HERC4: variants seen among roughly 807,000 people sequenced by gnomAD.
HERC4 encodes probable E3 ubiquitin-protein ligase HERC4.
Under a neutral mutation model 124.3 loss-of-function variants are expected in HERC4, and 28 were observed. The ratio of observed to expected loss-of-function variants is 0.23; its 90% confidence interval spans 0.17 to 0.31. The LOEUF is 0.31. Among genes scored for constraint, HERC4 ranks in the 10% least tolerant of loss-of-function variants. HERC4 has a pLI of 1.00. For synonymous variants in HERC4, 407 were observed against 421.5 expected (o/e 0.97, Z 0.42); for missense variants, 713 against 1,229.3 (o/e 0.58, Z 6.28).
intron 3 of HERC4, among the ~76,000 whole-genome samples, chr10:68,057,228 T>A (rs1310483427): frequency 6.6e-6 from 1 of 152,114 alleles, no homozygotes; most frequent in Non-Finnish European, 1.5e-5. Context: ...ATTATTCAGA[T>A]TGGTGTGAAA....
chr10:67,974,719 T>G (rs996126642), intron 15 of HERC4, among the ~76,000 whole-genome samples: 2 of 152,210 alleles, frequency 1.3e-5, no homozygotes, highest in African/African-American at 4.8e-5. Context: ...TATATAATTT[T>G]CATGTTTTCT....
intron 4 of HERC4, chr10:68,039,833 C>A (rs2039670718): frequency 2.0e-6 from 2 of 1,014,316 alleles, no homozygotes; most frequent in Non-Finnish European, 2.4e-6. Context: ...ACCTGTTCAG[C>A]ATATTAAGTA....
At chr10:67,981,654 C>A (rs760137616) in intron 15 of HERC4, among the ~76,000 whole-genome samples, 4 of 152,168 alleles carry the variant, frequency 2.6e-5, no homozygotes, top group Non-Finnish European at 4.4e-5. Context: ...AAGTCTTAAA[C>A]CATTCAAAAA....
At chr10:67,983,993 T>C (rs2036105248) in intron 15 of HERC4, among the ~76,000 whole-genome samples, 1 of 151,532 alleles carries the variant, frequency 6.6e-6, no homozygotes. Flanking sequence ...GAAAATGTGG[T>C]ATTTATACAC....
chr10:67,975,304 T>C (rs1242908690), intron 15 of HERC4, among the ~76,000 whole-genome samples: 1 of 152,214 alleles, frequency 6.6e-6, no homozygotes, highest in Non-Finnish European at 1.5e-5. Flanking sequence ...ATGTATACTA[T>C]TATTATGATC....
At chr10:68,050,238 T>C (rs201030305) in intron 3 of HERC4, among the ~76,000 whole-genome samples, 3 of 152,150 alleles carry the variant, frequency 2.0e-5, no homozygotes, top group African/African-American at 4.8e-5. Flanking sequence ...AGAAGGGATA[T>C]AGGCAGAGGG....
At chr10:68,036,317 CAAAAA>C (rs755357703) in intron 5 of HERC4, among the ~76,000 whole-genome samples, 1 of 66,710 alleles carries the variant, frequency 1.5e-5, no homozygotes. Context: ...GACTCCATCT[CAAAAA>C]AAAAAAAAAA....
At chr10:68,013,763 C>A (rs2038105256) in intron 9 of HERC4, among the ~76,000 whole-genome samples, 1 of 152,122 alleles carries the variant, frequency 6.6e-6, no homozygotes, top group Non-Finnish European at 1.5e-5. Flanking sequence ...AAACAAAAAA[C>A]CTCCCTCCCA....
intron 19 of HERC4, among the ~76,000 whole-genome samples, chr10:67,941,748 T>C (rs2032924897): frequency 6.8e-6 from 1 of 148,064 alleles, no homozygotes; most frequent in Admixed American, 6.8e-5. Context: ...GTGTGATCTC[T>C]GCTCACTGCA....
rs2034378270 is a variant in HERC4 at position 67,959,676 on chromosome 10, T to G, written c.1927-2700A>C. Among the ~76,000 whole-genome samples, 6 of 152,212 alleles carry G rather than the reference T, an allele frequency of 3.9e-5. No individual in the cohort carries two copies. The South Asian group carries it at 1.0e-3, about 26-fold the overall frequency. Reference sequence around the variant, plus strand: ...AACATAAGGTATCTTACATTAAGCATTCTTTAAAACTGAATTAATTTAAAA... The same window carrying G: ...AACATAAGGTATCTTACATTAAGCAGTCTTTAAAACTGAATTAATTTAAAA... On this transcript the variant is annotated intron_variant, in intron 16 of 24. Coordinates refer to ENST00000373700, the MANE Select transcript of HERC4 (RefSeq NM_015601.4).
chr10:68,056,277 T>G (rs562156227), intron 3 of HERC4, among the ~76,000 whole-genome samples: 7 of 152,170 alleles, frequency 4.6e-5, no homozygotes, highest in Admixed American at 2.0e-4. Context: ...CTGATGGTGA[T>G]CAAGTTCATT....
At chr10:68,025,065 T>C (rs137864053) in intron 8 of HERC4, among the ~76,000 whole-genome samples, 21 of 151,966 alleles carry the variant, frequency 1.4e-4, no homozygotes, top group Admixed American at 3.9e-4. Flanking sequence ...CTACTAAAAA[T>C]TAAAAAAATA....
Position 68,025,579 on chromosome 10 carries a change from A to G in HERC4, c.875T>C (p.Met292Thr), listed in dbSNP as rs906536569. ...EINPRKVFEL[M>T]GSIVTEIACG... ...AGCAATCTCAGTGACAATGCTTCCC[A>G]TAAGTTCAAAAACTTTCCTTGGGTT... Residue 292 changes from methionine (M) to threonine (T), a missense_variant, in exon 8 of 25, where the codon ATG (methionine) becomes ACG (threonine). Transcript: ENST00000373700. 6.2e-7 allele frequency: 1 copy of G among 1,613,866 alleles called. No individual in the cohort carries two copies. The highest frequency in any genetic ancestry group is 8.5e-7 in the Non-Finnish European group (1 of 1,179,868).
intron 3 of HERC4, among the ~76,000 whole-genome samples, 167 bp downstream of exon 3, chr10:68,072,715 AG>A (rs1217920028): frequency 6.6e-6 from 1 of 152,170 alleles, no homozygotes; most frequent in Non-Finnish European, 1.5e-5. Context: ...CACAACATAA[AG>A]TACTTAGAAC....
At chr10:68,048,202 G>A (rs1405577769) in intron 3 of HERC4, among the ~76,000 whole-genome samples, 3 of 152,128 alleles carry the variant, frequency 2.0e-5, no homozygotes, top group Non-Finnish European at 4.4e-5. Context: ...TTACAGGCAT[G>A]AGCCACCACA....
intron 3 of HERC4, among the ~76,000 whole-genome samples, chr10:68,064,116 G>A (rs1055264534): frequency 6.6e-6 from 1 of 151,886 alleles, no homozygotes; most frequent in Admixed American, 6.6e-5. Context: ...GGTGGCACAC[G>A]CCTGTAATCC....
intron 24 of HERC4, among the ~76,000 whole-genome samples, chr10:67,924,573 A>G (rs896798936): frequency 3.3e-5 from 5 of 152,216 alleles, no homozygotes; most frequent in Non-Finnish European, 5.9e-5. Flanking sequence ...TATCGTATAT[A>G]TGGTCTGTCA....
intron 16 of HERC4, among the ~76,000 whole-genome samples, chr10:67,960,416 G>T (rs895138918): frequency 6.6e-6 from 1 of 151,720 alleles, no homozygotes. Flanking sequence ...ACGGAGCTTC[G>T]ATCTTGTTGC....
At chr10:68,000,158 A>G (rs12269420) in intron 9 of HERC4, among the ~76,000 whole-genome samples, 10,127 of 152,150 alleles carry the variant, frequency 0.067, 1,170 homozygotes, top group African/African-American at 0.23. Flanking sequence ...ACACCAGCCA[A>G]TAAGTCATCT....
Sources: allele counts gnomAD v4.1 joint callset (sites outside exome capture counted in the v4.1 genomes callset), GRCh38; gene constraint gnomAD v4.1.1; transcripts MANE v1.5; gene names NCBI Gene and HGNC (gene_info 2026-07-23, HGNC 2026-07-21).